The following EIF2S3B variants were observed in gnomAD, a reference collection of about 807,000 sequenced individuals.
EIF2S3B encodes eukaryotic translation initiation factor 2 subunit 3B.
Under a neutral mutation model 26.4 loss-of-function variants are expected in EIF2S3B, and 16 were observed. The ratio of observed to expected loss-of-function variants is 0.61; its 90% CI spans 0.41 to 0.92. The LOEUF (loss-of-function observed/expected upper bound fraction) is 0.92. EIF2S3B is among the 40% of genes least tolerant of loss of function. EIF2S3B has a pLI of 0.00. For synonymous variants in EIF2S3B, 183 were observed against 204.4 expected (o/e 0.90, Z 0.89); for missense variants, 510 against 575.5 (o/e 0.89, Z 1.16).
chr12:10,518,028 C>T (rs1160603468), intron 1 of EIF2S3B, among the ~76,000 whole-genome samples: 3 of 151,730 alleles, frequency 2.0e-5, no homozygotes, highest in Admixed American at 2.0e-4. Context: ...GCTTTACTTC[C>T]AACTATGTGG....
chr12:10,519,487 A>G (rs1242335713), intron 1 of EIF2S3B, among the ~76,000 whole-genome samples: 3 of 152,142 alleles, frequency 2.0e-5, no homozygotes, highest in Non-Finnish European at 4.4e-5. Flanking sequence ...AGCAATGGCA[A>G]CAAAAGCCAA....
At chr12:10,508,614 G>A (rs939578751), downstream of EIF2S3B, among the ~76,000 whole-genome samples, 4 of 150,368 alleles carry the variant, frequency 2.7e-5, no homozygotes, top group South Asian at 2.1e-4. Flanking sequence ...CCCTGAAGAC[G>A]GCATTGTGAT....
chr12:10,517,385 T>A (rs1280956091), intron 1 of EIF2S3B, among the ~76,000 whole-genome samples: 1 of 144,220 alleles, frequency 6.9e-6, no homozygotes, highest in African/African-American at 2.4e-5. Context: ...CTAGATTTTC[T>A]AGTTTATTTG....
In EIF2S3B at chr12:10,507,593, GT is replaced by G; in HGVS notation, c.*279del. The G allele has an allele frequency of 1.6e-5, 9 of 554,672 alleles. No individual in the cohort carries two copies. In the South Asian group the frequency reaches 2.2e-4, roughly 14 times the overall value. 34.4% of individuals were successfully genotyped at this position (554,672 alleles called of 1,614,324 possible). A position where few individuals can be genotyped will look rare whatever the true frequency, so the allele number is the denominator to read the frequency against. ...TAATGTCAAAATTATACATTATGCA[GT>G]TTTTTTGTTTGTTTTATTTTGTTTT... On this transcript the variant is annotated 3_prime_UTR_variant, in exon 1 of 1. Coordinates refer to ENST00000538173, the MANE Select transcript of EIF2S3B (RefSeq NM_001357734.3).
At chr12:10,522,027 TTA>T (rs1182386410) in intron 1 of EIF2S3B, among the ~76,000 whole-genome samples, 1 of 152,236 alleles carries the variant, frequency 6.6e-6, no homozygotes, top group Non-Finnish European at 1.5e-5. Context: ...GTCTACAATT[TTA>T]TGTTAATATT....
downstream of EIF2S3B, among the ~76,000 whole-genome samples, chr12:10,510,143 T>G (rs1380135291): frequency 6.6e-6 from 1 of 152,222 alleles, no homozygotes; most frequent in African/African-American, 2.4e-5. Context: ...TACTAAAATA[T>G]GAAGATGTAA....
chr12:10,509,809 T>A (rs563126950), downstream of EIF2S3B, among the ~76,000 whole-genome samples: 120 of 152,112 alleles, frequency 7.9e-4, no homozygotes, highest in African/African-American at 2.8e-3. Context: ...ATGAGAAGTA[T>A]ATTAATTTAT....
At position 10,508,201 on chromosome 12, in the gene EIF2S3B, G is replaced by A. The variant is rs371176829; in HGVS notation, c.*880G>A. Among the ~76,000 whole-genome samples, 1 of 152,100 alleles carries A rather than the reference G, an allele frequency of 6.6e-6. No individual in the cohort carries two copies. Among genetic ancestry groups the A allele is most frequent in the South Asian group, 2.1e-4 (1 of 4,830 alleles). The stretch of plus-strand genomic sequence containing the variant: ...TGGGTTCGAATGAAATTGTCCTTTA[G>A]AGCATGATTACTTGTTCCCATGGGC... On this transcript the variant is annotated 3_prime_UTR_variant, in exon 1 of 1. Coordinates refer to ENST00000538173, the MANE Select transcript of EIF2S3B (RefSeq NM_001357734.3).
chr12:10,506,663 C>A lies in EIF2S3B; in HGVS notation c.761C>A (p.Pro254His). Residue 254 changes from proline to histidine, a missense_variant, in exon 1 of 1, where the codon CCC (proline) becomes CAC (histidine). By Grantham distance (77) the Pro-to-His change is moderately conservative. Transcript: ENST00000538173. The part of the protein sequence containing the change: ...PVPPRDFTSE[P>H]RLIVIRSFDV... ...CCCCCAAGAGACTTTACTTCAGAGCCCCGGCTTATTGTTATTAGATCTTTT... is the reference window on the plus strand; with the variant it reads ...CCCCCAAGAGACTTTACTTCAGAGCACCGGCTTATTGTTATTAGATCTTTT... 1 of 1,613,794 alleles carries A rather than the reference C, an allele frequency of 6.2e-7. No individual in the cohort carries two copies. The highest frequency in any genetic ancestry group is 8.5e-7 in the Non-Finnish European group (1 of 1,179,818).
downstream of EIF2S3B, among the ~76,000 whole-genome samples, chr12:10,512,977 T>C (rs1044248639): frequency 3.3e-5 from 5 of 152,218 alleles, no homozygotes; most frequent in Non-Finnish European, 7.3e-5. Flanking sequence ...TCTGTTTATT[T>C]ATTTAGTTAC....
chr12:10,506,504 A>C lies in EIF2S3B; in HGVS notation c.602A>C (p.Lys201Thr), dbSNP rs1039191798. Residue 201 changes from lysine (K) to threonine (T), a missense_variant, in exon 1 of 1, where the codon AAA (lysine) becomes ACA (threonine). Lys to Thr is a moderately conservative substitution (Grantham distance 78, BLOSUM62 -1). Transcript: ENST00000538173. ...KIDLVKERQA[K>T]EQYEQILAFV... is the part of the protein sequence containing the mutation. The stretch of plus-strand genomic sequence containing the variant: ...GATTTGGTAAAAGAAAGGCAGGCTA[A>C]AGAACAATACGAGCAGATCCTTGCG... 2 of 1,602,288 alleles carry C rather than the reference A, an allele frequency of 1.2e-6. No individual in the cohort carries two copies. Among genetic ancestry groups the C allele is most frequent in the Admixed American group, 3.3e-5 (2 of 59,998 alleles).
In EIF2S3B at chr12:10,507,240, A is replaced by G; in HGVS notation, c.1338A>G (p.Arg446=). ...GAGAAAAAATTGCCCTTAGCCGAAG[A>G]GTTGAAAAACACTGGCGTTTAATTG... is the stretch of plus-strand genomic sequence containing the variant. ...EVGEKIALSR[R]VEKHWRLIGW... Residue 446 remains arginine, a synonymous_variant, in exon 1 of 1, where the codon AGA becomes AGG. Coordinates refer to ENST00000538173, the MANE Select transcript of EIF2S3B (RefSeq NM_001357734.3). 7 of 1,613,946 alleles carry G rather than the reference A, an allele frequency of 4.3e-6. No individual in the cohort carries two copies. The highest frequency in any genetic ancestry group is 5.9e-6 in the Non-Finnish European group (7 of 1,179,802).
In EIF2S3B at chr12:10,507,241, G is replaced by A; in HGVS notation, c.1339G>A (p.Val447Ile). 1 of 1,613,922 alleles carries A rather than the reference G, an allele frequency of 6.2e-7. No individual in the cohort carries two copies. Among genetic ancestry groups the A allele is most frequent in the Non-Finnish European group, 8.5e-7 (1 of 1,179,798 alleles). ...VGEKIALSRR[V>I]EKHWRLIGWG... ...AGAAAAAATTGCCCTTAGCCGAAGA[G>A]TTGAAAAACACTGGCGTTTAATTGG... The change falls in exon 1 of 1, where the codon GTT becomes ATT. Residue 447 changes from valine to isoleucine, a missense_variant. Val to Ile is a conservative substitution (Grantham distance 29, BLOSUM62 3). Transcript: ENST00000538173.
chr12:10,511,798 A>G (rs759865569), downstream of EIF2S3B, among the ~76,000 whole-genome samples: 12 of 152,216 alleles, frequency 7.9e-5, no homozygotes, highest in Non-Finnish European at 1.8e-4. Flanking sequence ...TCTAATGTGC[A>G]AAAGGAAAGT....
downstream of EIF2S3B, among the ~76,000 whole-genome samples, chr12:10,510,642 G>C (rs1864695337): frequency 6.6e-6 from 1 of 152,098 alleles, no homozygotes; most frequent in Non-Finnish European, 1.5e-5. Flanking sequence ...TGAATTACCA[G>C]AAAATAGCAT....
At chr12:10,519,950 G>A (rs1864812234) in intron 1 of EIF2S3B, among the ~76,000 whole-genome samples, 2 of 152,114 alleles carry the variant, frequency 1.3e-5, no homozygotes, top group Admixed American at 1.3e-4. Context: ...AAGTCAGTGT[G>A]GCAATGCCTC....
At chr12:10,521,874 G>C (rs891634483) in intron 1 of EIF2S3B, among the ~76,000 whole-genome samples, 8 of 152,146 alleles carry the variant, frequency 5.3e-5, no homozygotes. Flanking sequence ...TTTTCTGAAA[G>C]AACCTTAAAC....
intron 1 of EIF2S3B, among the ~76,000 whole-genome samples, chr12:10,518,339 C>G (rs1247778339): frequency 6.6e-6 from 1 of 151,948 alleles, no homozygotes; most frequent in African/African-American, 2.4e-5. Context: ...TTCTTGATCC[C>G]TTTACCATTA....
In EIF2S3B at chr12:10,506,109, C is replaced by T. The variant is rs575313147; in HGVS notation, c.207C>T (p.Phe69=). The T allele has an allele frequency of 6.3e-7, 1 of 1,589,188 alleles. No homozygotes were observed. Among genetic ancestry groups the T allele is most frequent in the East Asian group, 2.2e-5 (1 of 44,778 alleles). The change falls in exon 1 of 1, where the codon TTC becomes TTT. Residue 69 remains phenylalanine (F), a synonymous_variant. Coordinates refer to ENST00000538173, the MANE Select transcript of EIF2S3B (RefSeq NM_001357734.3). ...TTTCTGGAGTTCACACCGTCAGGTT[C>T]AAAAATGAACTAGAAAGAAATATTA... ...KAISGVHTVR[F]KNELERNITI...
Sources: gnomAD v4.1 joint callset for allele counts (sites outside exome capture counted in the v4.1 genomes callset) on GRCh38, gnomAD v4.1.1 for gene constraint, MANE v1.5 for transcripts, NCBI Gene and HGNC (gene_info 2026-07-23, HGNC 2026-07-21) for gene names.